The following RARS2 variants were observed in gnomAD, a reference collection of about 807,000 sequenced individuals.
RARS2 encodes the protein arginyl-tRNA synthetase 2, mitochondrial, also known as probable arginine--tRNA ligase, mitochondrial.
In RARS2, 67 loss-of-function variants were observed where a neutral mutation model predicts 88.5. That is an observed-to-expected ratio of 0.76 (90% CI 0.62 to 0.93). The LOEUF (loss-of-function observed/expected upper bound fraction) is 0.93, where lower values mean the gene tolerates loss of function less well. Among genes scored for constraint, RARS2 ranks in the 40% least tolerant of loss-of-function variants. RARS2 has a pLI of 0.00. For synonymous variants in RARS2, 239 were observed against 230.3 expected (o/e 1.04, Z -0.34); for missense variants, 664 against 684.2 (o/e 0.97, Z 0.33).
At chr6:87,557,366 T>C (rs1025160544) in intron 4 of RARS2, among the ~76,000 whole-genome samples, 1 of 152,314 alleles carries the variant, frequency 6.6e-6, no homozygotes, top group Middle Eastern at 3.4e-3. Context: ...CAAGAATATA[T>C]ATGACAAGAA....
At chr6:87,539,021 A>G (rs963276236) in intron 8 of RARS2, among the ~76,000 whole-genome samples, 2 of 151,618 alleles carry the variant, frequency 1.3e-5, no homozygotes, top group African/African-American at 2.4e-5. Context: ...GCAACAGAGT[A>G]AGATCCTGTC....
Position 87,545,653 on chromosome 6 carries a change from T to C in RARS2, c.498A>G (p.Ile166Met), listed in dbSNP as rs1486011542. The C allele has an allele frequency of 6.2e-7, 1 of 1,613,794 alleles. No individual in the cohort carries two copies. Among genetic ancestry groups the C allele is most frequent in the Non-Finnish European group, 8.5e-7 (1 of 1,179,884 alleles). ...NLKEALGHQV[I>M]RINYLGDWGM... ...CCCAATCGCCAAGGTAATTTATTCT[T>C]ATTACTTGATGTCCTAAAGCTTCTT... Residue 166 changes from isoleucine (I) to methionine (M), a missense_variant, in exon 7 of 20, where the codon ATA becomes ATG. Coordinates refer to ENST00000369536, the MANE Select transcript of RARS2 (RefSeq NM_020320.5).
At chr6:87,516,007 A>T (rs1771610186) in intron 18 of RARS2, 1 of 152,074 alleles carries the variant, frequency 6.6e-6, no homozygotes, top group Non-Finnish European at 1.5e-5. Context: ...TGTATGTCTT[A>T]AGTGTCATTT....
chr6:87,514,764 G>A (rs956184740), intron 19 of RARS2, among the ~76,000 whole-genome samples, 193 bp downstream of exon 19: 1 of 152,114 alleles, frequency 6.6e-6, no homozygotes, highest in Non-Finnish European at 1.5e-5. Flanking sequence ...ATTTCATGTA[G>A]GAAAATGTGC....
At chr6:87,526,425 G>C (rs896570412) in intron 10 of RARS2, among the ~76,000 whole-genome samples, 1 of 152,030 alleles carries the variant, frequency 6.6e-6, no homozygotes. Context: ...GCTAAGGCAG[G>C]AGAATAGGTT....
intron 11 of RARS2, among the ~76,000 whole-genome samples, chr6:87,523,714 A>T (rs1234838119): frequency 1.3e-5 from 2 of 152,204 alleles, no homozygotes; most frequent in Non-Finnish European, 2.9e-5. Flanking sequence ...AAAAGACACT[A>T]ACCAGACCCG....
chr6:87,526,895 T>G (rs1304847890), intron 10 of RARS2, among the ~76,000 whole-genome samples: 1 of 151,904 alleles, frequency 6.6e-6, no homozygotes, highest in African/African-American at 2.4e-5. Context: ...GGTCTTGAAC[T>G]CCCAACCTCA....
intron 5 of RARS2, among the ~76,000 whole-genome samples, chr6:87,549,428 G>C (rs1783688955): frequency 6.6e-6 from 1 of 151,782 alleles, no homozygotes; most frequent in Admixed American, 6.6e-5. Context: ...GTGCATGCTT[G>C]TAGTCCTAGC....
At chr6:87,589,819 T>C in intron 1 of RARS2, 103 bp downstream of exon 1, 1 of 1,612,760 alleles carries the variant, frequency 6.2e-7, no homozygotes, top group Middle Eastern at 1.7e-4. Flanking sequence ...CAGGATTCCG[T>C]GGGACCCACC....
chr6:87,585,529 G>A (rs1774881871), intron 1 of RARS2, among the ~76,000 whole-genome samples: 1 of 152,118 alleles, frequency 6.6e-6, no homozygotes, highest in Non-Finnish European at 1.5e-5. Flanking sequence ...AGGAGATCGA[G>A]ACCATCCTGG....
chr6:87,563,033 C>T (rs1230190640), intron 3 of RARS2, among the ~76,000 whole-genome samples: 1 of 152,088 alleles, frequency 6.6e-6, no homozygotes, highest in African/African-American at 2.4e-5. Flanking sequence ...CTTTCCCTCC[C>T]CTCAAATTCA....
chr6:87,539,735 A>G (rs1582485658), intron 8 of RARS2, among the ~76,000 whole-genome samples: 1 of 152,194 alleles, frequency 6.6e-6, no homozygotes, highest in African/African-American at 2.4e-5. Flanking sequence ...CTCGTGGCAA[A>G]ACTGCTGGCG....
At chr6:87,525,898 T>TA (rs71018028) in intron 10 of RARS2, among the ~76,000 whole-genome samples, 9,532 of 151,206 alleles carry the variant, frequency 0.063, 378 homozygotes, top group African/African-American at 0.11. Context: ...AAAAGAAATT[T>TA]AAAAAAAAAT....
At chr6:87,560,892 A>G (rs1345982535) in intron 4 of RARS2, among the ~76,000 whole-genome samples, 2 of 152,336 alleles carry the variant, frequency 1.3e-5, no homozygotes, top group African/African-American at 4.8e-5. Flanking sequence ...CCGTCTCAAA[A>G]AAAACCATGC....
chr6:87,556,320 AT>A (rs1339277372), intron 4 of RARS2, among the ~76,000 whole-genome samples: 1 of 151,956 alleles, frequency 6.6e-6, no homozygotes, highest in Non-Finnish European at 1.5e-5. Context: ...TTATTTTTAT[AT>A]TTTTGAGACA....
intron 19 of RARS2, 151 bp downstream of exon 19, chr6:87,514,806 A>G: frequency 1.4e-6 from 1 of 727,584 alleles, no homozygotes; most frequent in Non-Finnish European, 2.5e-6. Flanking sequence ...AAGTATATAC[A>G]CATTGATTGT....
intron 1 of RARS2, among the ~76,000 whole-genome samples, chr6:87,572,242 G>A (rs1339034419): frequency 6.6e-6 from 1 of 152,040 alleles, no homozygotes; most frequent in African/African-American, 2.4e-5. Context: ...AATAAACTAG[G>A]GCTCTTGTGA....
At chr6:87,528,852 T>C (rs1776566810) in intron 10 of RARS2, among the ~76,000 whole-genome samples, 1 of 152,196 alleles carries the variant, frequency 6.6e-6, no homozygotes, top group South Asian at 2.1e-4. Flanking sequence ...ACTTGAAAAC[T>C]GCTAACAGGG....
chr6:87,587,584 T>C (rs1483865631), intron 1 of RARS2, among the ~76,000 whole-genome samples: 1 of 152,194 alleles, frequency 6.6e-6, no homozygotes, highest in Non-Finnish European at 1.5e-5. Flanking sequence ...GTTCTGTTCA[T>C]AAACCAACTC....
Sources: gnomAD v4.1 joint callset for allele counts (sites outside exome capture counted in the v4.1 genomes callset) on GRCh38, gnomAD v4.1.1 for gene constraint, MANE v1.5 for transcripts, NCBI Gene and HGNC (gene_info 2026-07-23, HGNC 2026-07-21) for gene names.